The following SPATA6 variants were observed in gnomAD, a reference collection of about 807,000 sequenced individuals.
SPATA6 encodes the protein spermatogenesis-associated protein 6.
In SPATA6, 56 loss-of-function variants were observed where a neutral mutation model predicts 65.3. The observed-to-expected ratio is 0.86, with a 90% CI of 0.69 to 1.07. The LOEUF is 1.07. Ranked by LOEUF, SPATA6 falls within the 50% of genes least tolerant of loss-of-function variation. The pLI is 0.00. For missense variants in SPATA6, 590 were observed against 594.8 expected, an observed-to-expected ratio of 0.99 and a Z score of 0.08; for synonymous variants, 199 against 213.2, an observed-to-expected ratio of 0.93 and a Z score of 0.58.
intron 11 of SPATA6, among the ~76,000 whole-genome samples, chr1:48,317,129 A>C (rs1433862756): frequency 1.3e-5 from 2 of 152,222 alleles, no homozygotes; most frequent in Non-Finnish European, 1.5e-5. Flanking sequence ...GTGATTCCTC[A>C]GGGATCTAGA....
intron 12 of SPATA6, among the ~76,000 whole-genome samples, chr1:48,305,240 CTAT>C (rs1645032702): frequency 6.6e-6 from 1 of 152,094 alleles, no homozygotes; most frequent in African/African-American, 2.4e-5. Context: ...AAGGTGAAAG[CTAT>C]ATATTGCAGT....
At chr1:48,286,317 G>A in the SPATA6 span, among the ~76,000 whole-genome samples, 1 of 151,996 alleles carries the variant, frequency 6.6e-6, no homozygotes, top group Non-Finnish European at 1.5e-5. Flanking sequence ...AACATAGGAT[G>A]TCTATTTGTG....
intron 3 of SPATA6, among the ~76,000 whole-genome samples, chr1:48,426,259 C>T (rs1003025134): frequency 2.0e-5 from 3 of 152,124 alleles, no homozygotes; most frequent in Non-Finnish European, 4.4e-5. Context: ...CTAGGAAGCA[C>T]AGTCAATCAA....
At chr1:48,340,393 T>C (rs968232473) in intron 11 of SPATA6, among the ~76,000 whole-genome samples, 3 of 150,422 alleles carry the variant, frequency 2.0e-5, no homozygotes, top group Non-Finnish European at 4.4e-5. Flanking sequence ...ATAGTAGCAA[T>C]ATACTGTGGA....
intron 9 of SPATA6, among the ~76,000 whole-genome samples, chr1:48,373,124 C>T (rs60735684): frequency 0.016 from 2,497 of 152,308 alleles, 81 homozygotes; most frequent in African/African-American, 0.057. Context: ...AAACAGGTTT[C>T]TCTTTTCTAT....
At chr1:48,411,858 T>C (rs1343705312) in intron 4 of SPATA6, among the ~76,000 whole-genome samples, 4 of 152,096 alleles carry the variant, frequency 2.6e-5, no homozygotes, top group African/African-American at 9.7e-5. Flanking sequence ...TTGTTTGTTT[T>C]TGAGACAGAC....
intron 3 of SPATA6, among the ~76,000 whole-genome samples, chr1:48,418,739 AGGAAGGAAGGAAGGAG>A (rs1435320702): frequency 2.1e-5 from 3 of 144,454 alleles, no homozygotes; most frequent in Non-Finnish European, 4.5e-5. Flanking sequence ...AAAGCAAGAG[AGGAAGGAAGGAAGGAG>A]GGAAGGAAGG....
At chr1:48,375,509 CCT>C (rs1647785505) in intron 9 of SPATA6, among the ~76,000 whole-genome samples, 1 of 152,046 alleles carries the variant, frequency 6.6e-6, no homozygotes, top group African/African-American at 2.4e-5. Flanking sequence ...TGAAAACGTT[CCT>C]CTGTTTTGTT....
chr1:48,312,649 T>A (rs1645255188), intron 11 of SPATA6, among the ~76,000 whole-genome samples: 1 of 151,930 alleles, frequency 6.6e-6, no homozygotes, highest in Non-Finnish European at 1.5e-5. Flanking sequence ...CCTCTCCTCC[T>A]CCAAAGGAAT....
chr1:48,300,769 T>C (rs1167710442), intron 12 of SPATA6, among the ~76,000 whole-genome samples: 1 of 151,986 alleles, frequency 6.6e-6, no homozygotes, highest in Non-Finnish European at 1.5e-5. Flanking sequence ...GGCAAATCAA[T>C]AAATGTGATA....
chr1:48,443,194 T>C (rs916227876), intron 3 of SPATA6, among the ~76,000 whole-genome samples: 4 of 152,274 alleles, frequency 2.6e-5, no homozygotes, highest in Non-Finnish European at 5.9e-5. Context: ...TAAGTGAATA[T>C]GGACTGAACG....
intron 11 of SPATA6, among the ~76,000 whole-genome samples, chr1:48,353,248 G>A (rs916363112): frequency 2.0e-5 from 3 of 151,764 alleles, no homozygotes; most frequent in Non-Finnish European, 4.4e-5. Context: ...ATGTTTTCAT[G>A]TTCCAATATT....
chr1:48,312,595 GA>G (rs1485091902), intron 11 of SPATA6, among the ~76,000 whole-genome samples: 1 of 152,252 alleles, frequency 6.6e-6, no homozygotes, highest in Middle Eastern at 3.4e-3. Flanking sequence ...CAAAGATGGG[GA>G]AAAAACAGAG....
At chr1:48,413,574 T>C (rs1652480252) in intron 3 of SPATA6, among the ~76,000 whole-genome samples, 1 of 151,596 alleles carries the variant, frequency 6.6e-6, no homozygotes, top group Non-Finnish European at 1.5e-5. Flanking sequence ...AGTGCTGGGA[T>C]TACAGGTGTG....
intron 10 of SPATA6, among the ~76,000 whole-genome samples, chr1:48,357,649 A>G (rs1434192859): frequency 6.6e-6 from 1 of 152,164 alleles, no homozygotes; most frequent in Admixed American, 6.6e-5. Context: ...GATTGTATAA[A>G]CACCCTACAA....
At chr1:48,281,131 C>A in the SPATA6 span, among the ~76,000 whole-genome samples, 1 of 152,178 alleles carries the variant, frequency 6.6e-6, no homozygotes, top group African/African-American at 2.4e-5. Flanking sequence ...CAAAATTCAA[C>A]AACCTTTCAT....
chr1:48,364,170 A>G (rs1294735282), intron 9 of SPATA6, among the ~76,000 whole-genome samples: 2 of 152,220 alleles, frequency 1.3e-5, no homozygotes, highest in African/African-American at 4.8e-5. Context: ...CATGGTGTAT[A>G]TGTGCCACAT....
chr1:48,283,296 C>A, the SPATA6 span, among the ~76,000 whole-genome samples: 2 of 151,496 alleles, frequency 1.3e-5, no homozygotes, highest in African/African-American at 4.9e-5. Flanking sequence ...AACTAACCTG[C>A]ACATTGTGCA....
At chr1:48,394,635 C>G (rs1234973318) in intron 8 of SPATA6, among the ~76,000 whole-genome samples, 4 of 151,974 alleles carry the variant, frequency 2.6e-5, no homozygotes, top group Non-Finnish European at 5.9e-5. Flanking sequence ...GAAGCTCACT[C>G]AATGTAATGA....
Sources: allele counts gnomAD v4.1 joint callset (sites outside exome capture counted in the v4.1 genomes callset), GRCh38; gene constraint gnomAD v4.1.1; transcripts MANE v1.5; gene names NCBI Gene and HGNC (gene_info 2026-07-23, HGNC 2026-07-21).